The following ZMAT5 variants were observed in gnomAD, a reference collection of about 807,000 sequenced individuals.
The protein encoded by ZMAT5 is zinc finger matrin-type protein 5.
A neutral mutation model predicts 28.0 loss-of-function variants in ZMAT5; 23 were observed. The ratio of observed to expected loss-of-function variants is 0.82; its 90% CI spans 0.59 to 1.16. The LOEUF (loss-of-function observed/expected upper bound fraction) is 1.16, where lower values mean the gene tolerates loss of function less well. Ranked by LOEUF, ZMAT5 falls within the 50% of genes most tolerant of loss-of-function variation. The pLI, the probability that ZMAT5 is intolerant of heterozygous loss-of-function variation, is 0.00. For missense variants in ZMAT5, 173 were observed against 212.7 expected, an observed-to-expected ratio of 0.81 and a Z score of 1.16; for synonymous variants, 76 against 84.1, an observed-to-expected ratio of 0.90 and a Z score of 0.52.
intron 1 of ZMAT5, 94 bp from the exon 2 acceptor site, chr22:29,748,665 A>C: frequency 6.7e-7 from 1 of 1,500,060 alleles, no homozygotes; most frequent in Non-Finnish European, 9.0e-7. Context: ...GCCTGAGCCC[A>C]GGCTTTACTC....
At chr22:29,739,949 C>T (rs926567855) in intron 4 of ZMAT5, among the ~76,000 whole-genome samples, 12 of 152,222 alleles carry the variant, frequency 7.9e-5, no homozygotes, top group African/African-American at 2.9e-4. Context: ...TCACTGGCTA[C>T]CCTGAGGCCT....
intron 2 of ZMAT5, chr22:29,747,004 C>T (rs769369262): frequency 6.6e-6 from 1 of 152,154 alleles, no homozygotes; most frequent in East Asian, 1.9e-4. Flanking sequence ...CTGGCCACCC[C>T]CTCACTTGAA....
intron 1 of ZMAT5, among the ~76,000 whole-genome samples, chr22:29,757,566 C>T (rs766432918): frequency 3.9e-5 from 6 of 152,252 alleles, no homozygotes; most frequent in East Asian, 1.9e-4. Context: ...GCTTCACACA[C>T]GCTTGTGCAT....
intron 1 of ZMAT5, among the ~76,000 whole-genome samples, chr22:29,755,020 G>A (rs1446244928): frequency 6.6e-6 from 1 of 151,976 alleles, no homozygotes; most frequent in African/African-American, 2.4e-5. Flanking sequence ...TCAAGGCCGG[G>A]CACGGTGGCT....
chr22:29,756,465 GT>G (rs1036835399), intron 1 of ZMAT5, among the ~76,000 whole-genome samples: 18 of 152,140 alleles, frequency 1.2e-4, no homozygotes, highest in African/African-American at 4.3e-4. Context: ...TCATCCCTGT[GT>G]TTGCCTCCTG....
chr22:29,733,896 C>A (rs1001921920), intron 5 of ZMAT5, among the ~76,000 whole-genome samples: 58 of 152,358 alleles, frequency 3.8e-4, no homozygotes, highest in African/African-American at 1.4e-3. Context: ...GGGCCCCAGA[C>A]ACGTGAGCCA....
At chr22:29,736,334 G>C (rs1486300951) in intron 5 of ZMAT5, among the ~76,000 whole-genome samples, 1 of 152,234 alleles carries the variant, frequency 6.6e-6, no homozygotes, top group African/African-American at 2.4e-5. Context: ...TCCAACGTTT[G>C]AGTCATGTCT....
intron 2 of ZMAT5, chr22:29,748,100 G>A: frequency 2.6e-6 from 1 of 388,394 alleles, no homozygotes; most frequent in East Asian, 6.3e-5. Context: ...CCCTGGTGCT[G>A]GACTCAGGGC....
At chr22:29,758,952 C>G (rs1438780807) in intron 1 of ZMAT5, 1 of 152,230 alleles carries the variant, frequency 6.6e-6, no homozygotes, top group Non-Finnish European at 1.5e-5. Flanking sequence ...GTTCCAGAGA[C>G]CTGGTTCACT....
intron 3 of ZMAT5, among the ~76,000 whole-genome samples, chr22:29,742,012 C>T (rs1424398120): frequency 1.3e-5 from 2 of 152,200 alleles, no homozygotes; most frequent in African/African-American, 2.4e-5. Flanking sequence ...GTCAAATCTA[C>T]ACCTAGCATC....
At chr22:29,758,470 T>A (rs555672423) in intron 1 of ZMAT5, among the ~76,000 whole-genome samples, 1 of 152,138 alleles carries the variant, frequency 6.6e-6, no homozygotes, top group African/African-American at 2.4e-5. Context: ...TTGTTTTTTT[T>A]AAATTAGCTG....
At chr22:29,740,053 T>A (rs949145515) in intron 4 of ZMAT5, among the ~76,000 whole-genome samples, 5 of 152,222 alleles carry the variant, frequency 3.3e-5, no homozygotes, top group Non-Finnish European at 5.9e-5. Flanking sequence ...TCAGTCTGAA[T>A]GTTGGCCTTA....
intron 1 of ZMAT5, among the ~76,000 whole-genome samples, chr22:29,764,821 G>C (rs1292154857): frequency 6.6e-6 from 1 of 151,962 alleles, no homozygotes; most frequent in East Asian, 1.9e-4. Flanking sequence ...GTTTTTCATG[G>C]AGACGGTCTC....
At chr22:29,759,506 C>T (rs1268733700) in intron 1 of ZMAT5, among the ~76,000 whole-genome samples, 1 of 152,188 alleles carries the variant, frequency 6.6e-6, no homozygotes, top group African/African-American at 2.4e-5. Flanking sequence ...CAGTGACTCA[C>T]ACCTGTAACC....
rs928893859 is a variant in ZMAT5 at position 29,766,940 on chromosome 22, G to A, written c.-96C>T. 1 of 156,422 alleles carries A rather than the reference G, an allele frequency of 6.4e-6. No homozygotes were observed. Among genetic ancestry groups the A allele is most frequent in the Non-Finnish European group, 1.4e-5 (1 of 70,154 alleles). 9.7% of individuals were successfully genotyped at this position (156,422 alleles called of 1,614,324 possible). ...TAGGACTCGCCCCTCGACGTCTCGC[G>A]GAAGGTACCTGGCTCCCCGGTGGCT... On this transcript the variant is annotated 5_prime_UTR_variant, in exon 1 of 6. Coordinates refer to ENST00000344318, the MANE Select transcript of ZMAT5 (RefSeq NM_001003692.2).
rs752296252 is a variant in ZMAT5 at position 29,748,488 on chromosome 22, G to C, written c.57C>G (p.His19Gln). ...YCDRSFQDNLHNRKKHLNGLQ... is the reference protein window; with the variant it reads ...YCDRSFQDNLQNRKKHLNGLQ... ...GCCCGTTCAGGTGCTTCTTGCGGTT[G>C]TGGAGGTTGTCCTGGAAGGAGCGGT... Residue 19 changes from histidine to glutamine, a missense_variant, in exon 2 of 6, where the codon CAC (histidine) becomes CAG (glutamine). Coordinates refer to ENST00000344318, the MANE Select transcript of ZMAT5 (RefSeq NM_001003692.2). 4.3e-6 allele frequency: 7 copies of C among 1,614,152 alleles called. No individual in the cohort carries two copies. In the East Asian group the frequency reaches 1.6e-4, roughly 36 times the overall value.
At chr22:29,762,626 C>A (rs1005037001) in intron 1 of ZMAT5, among the ~76,000 whole-genome samples, 1 of 152,240 alleles carries the variant, frequency 6.6e-6, no homozygotes, top group Non-Finnish European at 1.5e-5. Flanking sequence ...CCATCACCCC[C>A]AGATGGGACC....
At chr22:29,755,844 A>G (rs949779346) in intron 1 of ZMAT5, among the ~76,000 whole-genome samples, 3 of 152,204 alleles carry the variant, frequency 2.0e-5, no homozygotes, top group African/African-American at 7.2e-5. Flanking sequence ...TCACCATGAC[A>G]CTGTGAAGCC....
intron 1 of ZMAT5, among the ~76,000 whole-genome samples, chr22:29,761,424 T>A (rs962264754): frequency 6.6e-6 from 1 of 151,770 alleles, no homozygotes; most frequent in Admixed American, 6.6e-5. Flanking sequence ...AAATAATTTT[T>A]AAAAAATTAG....
Sources: gnomAD v4.1 joint callset for allele counts (sites outside exome capture counted in the v4.1 genomes callset) on GRCh38, gnomAD v4.1.1 for gene constraint, MANE v1.5 for transcripts, NCBI Gene and HGNC (gene_info 2026-07-23, HGNC 2026-07-21) for gene names.